Variants in OOSP3 observed in about 807,000 individuals in gnomAD.
OOSP3 encodes the protein oocyte secreted protein family member 3, also known as oocyte-secreted protein 3.
At chr11:59,896,454 T>A (rs1390507545) in exon 5 of OOSP3, 13 of 306,596 alleles carry the variant, frequency 4.2e-5, no homozygotes, top group Middle Eastern at 1.8e-3. Context: ...GAGTTGATCT[T>A]ACAAATAAAA....
At chr11:59,886,137 A>G (rs1045445295) in intron 2 of OOSP3, among the ~76,000 whole-genome samples, 3 of 152,100 alleles carry the variant, frequency 2.0e-5, no homozygotes, top group Admixed American at 2.0e-4. Flanking sequence ...AAGTGAGAAC[A>G]TGCAGTGTTT....
intron 1 of OOSP3, 37 bp from the exon 2 acceptor site, chr11:59,880,224 T>C (rs985200974): frequency 1.8e-5 from 7 of 398,206 alleles, no homozygotes; most frequent in Non-Finnish European, 3.1e-5. Flanking sequence ...AGCATAAAAT[T>C]GCTATCTAAA....
At chr11:59,880,584 A>C (rs1853189944) in intron 2 of OOSP3, 145 bp downstream of exon 2, 1 of 395,394 alleles carries the variant, frequency 2.5e-6, no homozygotes, top group African/African-American at 2.1e-5. Flanking sequence ...ACCAGTGGGT[A>C]CCTTGACTTG....
intron 2 of OOSP3, among the ~76,000 whole-genome samples, chr11:59,887,249 C>G (rs1221648182): frequency 2.0e-5 from 3 of 151,488 alleles, no homozygotes; most frequent in African/African-American, 4.9e-5. Context: ...ATGATAGTTT[C>G]TTTTGCAGTG....
At chr11:59,888,722 C>T (rs1426027074) in intron 2 of OOSP3, among the ~76,000 whole-genome samples, 1 of 152,154 alleles carries the variant, frequency 6.6e-6, no homozygotes, top group Non-Finnish European at 1.5e-5. Context: ...AGGATTTTTG[C>T]ATTGATATTC....
intron 2 of OOSP3, among the ~76,000 whole-genome samples, chr11:59,885,088 T>G (rs1041918223): frequency 1.3e-5 from 2 of 152,194 alleles, no homozygotes; most frequent in African/African-American, 4.8e-5. Context: ...TAAATGGTAT[T>G]TAATTTTATA....
At chr11:59,890,293 C>G (rs914232979) in intron 2 of OOSP3, among the ~76,000 whole-genome samples, 2 of 152,008 alleles carry the variant, frequency 1.3e-5, no homozygotes, top group African/African-American at 2.4e-5. Flanking sequence ...GTTGATATTG[C>G]TATGTGTGAA....
At chr11:59,894,672 T>C (rs1360773866) in intron 3 of OOSP3, among the ~76,000 whole-genome samples, 1 of 152,182 alleles carries the variant, frequency 6.6e-6, no homozygotes, top group Non-Finnish European at 1.5e-5. Context: ...AACACTTCTA[T>C]AATAAATCAC....
chr11:59,883,625 A>C (rs1198448938), intron 2 of OOSP3, among the ~76,000 whole-genome samples: 1 of 152,206 alleles, frequency 6.6e-6, no homozygotes, highest in Non-Finnish European at 1.5e-5. Context: ...TTTTCAAATT[A>C]TTTTTCTGAA....
intron 2 of OOSP3, 39 bp from the exon 3 acceptor site, chr11:59,894,040 G>T: frequency 2.5e-6 from 1 of 398,268 alleles, no homozygotes; most frequent in South Asian, 1.3e-4. Context: ...ACTCCTGTGT[G>T]ACATGACATC....
chr11:59,893,532 T>C (rs1395061025), intron 2 of OOSP3, among the ~76,000 whole-genome samples: 1 of 152,128 alleles, frequency 6.6e-6, no homozygotes, highest in Non-Finnish European at 1.5e-5. Context: ...TGTTTTTTGA[T>C]TTTTAGTAGA....
At chr11:59,886,732 T>C (rs144193506) in intron 2 of OOSP3, among the ~76,000 whole-genome samples, 6 of 152,282 alleles carry the variant, frequency 3.9e-5, no homozygotes, top group African/African-American at 1.4e-4. Context: ...TGAGCTTTTA[T>C]GTTTTTTGGC....
At chr11:59,884,439 T>A (rs544322916) in intron 2 of OOSP3, among the ~76,000 whole-genome samples, 234 of 149,632 alleles carry the variant, frequency 1.6e-3, no homozygotes, top group African/African-American at 5.6e-3. Context: ...ATATACAAGA[T>A]CATGTCTGTT....
chr11:59,888,413 C>T (rs117224459), intron 2 of OOSP3, among the ~76,000 whole-genome samples: 2,483 of 152,248 alleles, frequency 0.016, 27 homozygotes, highest in Middle Eastern at 0.027. Context: ...TTTGCCCTTT[C>T]GTTCTGATAT....
At chr11:59,879,865 T>C (rs1853184399) in intron 1 of OOSP3, among the ~76,000 whole-genome samples, 1 of 152,184 alleles carries the variant, frequency 6.6e-6, no homozygotes, top group Admixed American at 6.5e-5. Flanking sequence ...TCAGAGGCCA[T>C]AGAAGCTGCA....
At chr11:59,881,882 T>C (rs2134524876) in intron 2 of OOSP3, among the ~76,000 whole-genome samples, 1 of 152,158 alleles carries the variant, frequency 6.6e-6, no homozygotes, top group South Asian at 2.1e-4. Flanking sequence ...AAAAAATAAA[T>C]AAATAAATAA....
rs568969305 is a variant in OOSP3 at position 59,895,847 on chromosome 11, C to A, written c.501+195C>A. 2.6e-5 allele frequency among the ~76,000 whole-genome samples: 4 copies of A among 152,256 alleles called. No individual in the cohort carries two copies. The South Asian group carries it at 8.3e-4, about 32-fold the overall frequency. ...GCTACTTCCATGTGTCTACATATAT[C>A]CTGGTCTTGTCAATAAGTCTCCCTT... On this transcript the variant is annotated intron_variant, in intron 4 of 4. Coordinates refer to ENST00000646438, the Ensembl canonical transcript of OOSP3.
At chr11:59,890,876 C>T (rs1384852695) in intron 2 of OOSP3, among the ~76,000 whole-genome samples, 1 of 152,184 alleles carries the variant, frequency 6.6e-6, no homozygotes, top group Non-Finnish European at 1.5e-5. Context: ...GTGTGTTTTC[C>T]AAACTTGGTT....
chr11:59,879,934 C>CT (rs1462485692), intron 1 of OOSP3, among the ~76,000 whole-genome samples: 29 of 152,314 alleles, frequency 1.9e-4, no homozygotes, highest in African/African-American at 3.1e-4. Context: ...AAGGCCAGCA[C>CT]ACCAGCTTGA....
Sources: gnomAD v4.1 joint callset for allele counts (sites outside exome capture counted in the v4.1 genomes callset) on GRCh38, gnomAD v4.1.1 for gene constraint, MANE v1.5 for transcripts, NCBI Gene and HGNC (gene_info 2026-07-23, HGNC 2026-07-21) for gene names.